Variants in DMGDH observed in about 807,000 individuals in gnomAD.
DMGDH encodes the protein dimethylglycine dehydrogenase, also known as dimethylglycine dehydrogenase, mitochondrial.
A neutral mutation model predicts 95.2 loss-of-function variants in DMGDH; 76 were observed. That is an observed-to-expected ratio of 0.80 (90% CI 0.66 to 0.97). The LOEUF (loss-of-function observed/expected upper bound fraction) is 0.97. Among genes scored for constraint, DMGDH ranks in the 50% least tolerant of loss-of-function variants. The pLI is 0.00. For missense variants in DMGDH, 987 were observed against 1,055.0 expected (o/e 0.94, Z 0.89); for synonymous variants, 345 against 377.6 (o/e 0.91, Z 1.00).
At chr5:79,033,435 A>C in intron 7 of DMGDH, 27 bp from the exon 8 acceptor site, 1 of 1,613,120 alleles carries the variant, frequency 6.2e-7, no homozygotes, top group Non-Finnish European at 8.5e-7. Flanking sequence ...TAGAAAACCC[A>C]TTACTAACAC....
In DMGDH at chr5:79,044,495, A is replaced by G; in HGVS notation, c.803T>C (p.Val268Ala). The G allele has an allele frequency of 6.2e-7, 1 of 1,614,190 alleles. No individual in the cohort carries two copies. The highest frequency in any genetic ancestry group is 8.5e-7 in the Non-Finnish European group (1 of 1,180,016). Residue 268 changes from valine (V) to alanine (A), a missense_variant, in exon 6 of 16, where the codon GTT becomes GCT. Transcript: ENST00000255189. ...MIGLEHPLIP[V>A]QHQYVVTSTI... ...CGATGTAACAACATATTGATGTTGA[A>G]CCGGAATGAGAGGATGTTCTAGTCC...
At chr5:79,039,716 T>C (rs1245735380) in intron 7 of DMGDH, among the ~76,000 whole-genome samples, 1 of 151,602 alleles carries the variant, frequency 6.6e-6, no homozygotes, top group African/African-American at 2.4e-5. Context: ...ATAATAATAA[T>C]AAATAATAAT....
intron 7 of DMGDH, among the ~76,000 whole-genome samples, chr5:79,034,914 G>A (rs368054588): frequency 6.6e-6 from 1 of 151,396 alleles, no homozygotes; most frequent in Non-Finnish European, 1.5e-5. Flanking sequence ...AAAATTAGCC[G>A]GGCGTGTTGG....
chr5:78,999,494 C>A (rs1279130539), intron 15 of DMGDH, among the ~76,000 whole-genome samples: 1 of 152,124 alleles, frequency 6.6e-6, no homozygotes, highest in Non-Finnish European at 1.5e-5. Context: ...CCACGCCCGG[C>A]TAATTTTTTT....
intron 14 of DMGDH, among the ~76,000 whole-genome samples, chr5:79,016,971 A>G (rs1753745042): frequency 6.6e-6 from 1 of 152,190 alleles, no homozygotes; most frequent in Non-Finnish European, 1.5e-5. Context: ...AATGGTGCTG[A>G]AAGCAATTGG....
At chr5:79,044,256 T>C in intron 6 of DMGDH, 48 bp downstream of exon 6, 1 of 1,613,772 alleles carries the variant, frequency 6.2e-7, no homozygotes. Flanking sequence ...ATGGAGAGGA[T>C]GAACCATTCA....
intron 15 of DMGDH, among the ~76,000 whole-genome samples, chr5:78,999,331 C>CT (rs1319027147): frequency 6.6e-6 from 1 of 151,974 alleles, no homozygotes; most frequent in African/African-American, 2.4e-5. Context: ...TTCTCTCTCT[C>CT]TTTTTTTTCT....
chr5:79,024,052 G>A (rs138851502), intron 14 of DMGDH, among the ~76,000 whole-genome samples: 1 of 152,268 alleles, frequency 6.6e-6, no homozygotes, highest in African/African-American at 2.4e-5. Flanking sequence ...TAAAGATGCT[G>A]GATTCTGCTA....
intron 1 of DMGDH, among the ~76,000 whole-genome samples, chr5:79,067,303 C>A (rs780288534): frequency 6.6e-6 from 1 of 152,178 alleles, no homozygotes; most frequent in Non-Finnish European, 1.5e-5. Context: ...TATGACCCAA[C>A]TACTTTGGAC....
At chr5:79,017,176 G>C (rs1444577957) in intron 14 of DMGDH, among the ~76,000 whole-genome samples, 1 of 151,812 alleles carries the variant, frequency 6.6e-6, no homozygotes, top group East Asian at 1.9e-4. Context: ...ATTCATAAAA[G>C]AACAATTGAT....
chr5:79,069,520 C>T lies in DMGDH; in HGVS notation c.101G>A (p.Gly34Glu), dbSNP rs968357302. 7.8e-7 allele frequency: 1 copy of T among 1,287,796 alleles called. No individual in the cohort carries two copies. The highest frequency in any genetic ancestry group is 9.8e-7 in the Non-Finnish European group (1 of 1,018,138). 79.8% of individuals were successfully genotyped at this position (1,287,796 alleles called of 1,614,324 possible). ...CTGAGCAGGACGGGGCCCCACTCAC[C>T]CTTCCCGGCCGCAGACAGAGCGCGG... is the stretch of plus-strand genomic sequence containing the variant. ...GRPRSVCGRE[G>E]EEKPPLSAET... The change falls in exon 1 of 16, where the codon GGA becomes GAA. Residue 34 changes from glycine to glutamate, a missense_variant and splice_region_variant. Transcript: ENST00000255189.
In DMGDH at chr5:79,061,613, G is replaced by A. The variant is rs375453425; in HGVS notation, c.276+2000C>T. ...AAGAAATAAAATTTCAAGGAATCCC[G>A]TAACCTCTTCTAAAATGCAGGCCAG... On this transcript the variant is annotated intron_variant, in intron 2 of 15. Transcript: ENST00000255189. Among the ~76,000 whole-genome samples, 219 of 152,246 alleles carry A rather than the reference G, an allele frequency of 1.4e-3. 4 individuals are homozygous for A. The South Asian group carries it at 0.016, about 11-fold the overall frequency.
intron 14 of DMGDH, among the ~76,000 whole-genome samples, chr5:79,010,240 A>G (rs1753625860): frequency 6.6e-6 from 1 of 152,208 alleles, no homozygotes; most frequent in Admixed American, 6.5e-5. Context: ...AATGAAAGAA[A>G]GTAAATCAGT....
chr5:79,039,836 C>A (rs1754455753), intron 7 of DMGDH, among the ~76,000 whole-genome samples: 1 of 152,188 alleles, frequency 6.6e-6, no homozygotes, highest in Non-Finnish European at 1.5e-5. Flanking sequence ...TGCAATGAAA[C>A]CTCCATAAAG....
intron 14 of DMGDH, among the ~76,000 whole-genome samples, chr5:79,010,703 T>C (rs1401053605): frequency 1.3e-5 from 2 of 152,230 alleles, no homozygotes; most frequent in Non-Finnish European, 2.9e-5. Context: ...TATAAAACTT[T>C]TGTGACTTTT....
intron 15 of DMGDH, among the ~76,000 whole-genome samples, chr5:78,999,239 C>CT (rs2112595254): frequency 6.6e-6 from 1 of 152,328 alleles, no homozygotes; most frequent in African/African-American, 2.4e-5. Flanking sequence ...ACATTCATGA[C>CT]TTTAATTGCA....
chr5:79,022,376 A>G (rs1450588229), intron 14 of DMGDH, among the ~76,000 whole-genome samples: 6 of 152,178 alleles, frequency 3.9e-5, no homozygotes. Context: ...TCCGTTTCAC[A>G]TTATAGACTG....
At chr5:79,019,746 A>C (rs763032900) in intron 14 of DMGDH, among the ~76,000 whole-genome samples, 1 of 152,138 alleles carries the variant, frequency 6.6e-6, no homozygotes, top group Non-Finnish European at 1.5e-5. Flanking sequence ...TCAACTGGGC[A>C]TGGTGGCGGG....
At chr5:79,043,614 T>A (rs1754582351) in intron 6 of DMGDH, among the ~76,000 whole-genome samples, 1 of 152,250 alleles carries the variant, frequency 6.6e-6, no homozygotes, top group African/African-American at 2.4e-5. Flanking sequence ...TTCCCTGTAA[T>A]ATTTCAATGC....
Sources: gnomAD v4.1 joint callset for allele counts (sites outside exome capture counted in the v4.1 genomes callset) on GRCh38, gnomAD v4.1.1 for gene constraint, MANE v1.5 for transcripts, NCBI Gene and HGNC (gene_info 2026-07-23, HGNC 2026-07-21) for gene names.